Variants in ZNF83 observed in about 807,000 individuals in gnomAD.
ZNF83 encodes the protein zinc finger protein 83, also known as zinc finger protein 816B.
For missense variants in ZNF83, 552 were observed against 629.9 expected (o/e 0.88, Z 1.32); for synonymous variants, 209 against 213.0 (o/e 0.98, Z 0.17).
intron 2 of ZNF83, among the ~76,000 whole-genome samples, chr19:52,630,777 C>T (rs55696755): frequency 0.22 from 34,128 of 151,800 alleles, 4,108 homozygotes; most frequent in African/African-American, 0.3. Flanking sequence ...TCCCACAGCA[C>T]GCTTTAAAAA....
At chr19:52,628,469 G>C (rs998433195) in intron 2 of ZNF83, among the ~76,000 whole-genome samples, 2 of 152,040 alleles carry the variant, frequency 1.3e-5, no homozygotes, top group African/African-American at 4.8e-5. Context: ...TTTTCTGGTA[G>C]AGACAAAGGA....
intron 1 of ZNF83, among the ~76,000 whole-genome samples, chr19:52,674,999 G>T (rs2061779596): frequency 6.6e-6 from 1 of 152,134 alleles, no homozygotes; most frequent in Non-Finnish European, 1.5e-5. Flanking sequence ...GGGATTACAG[G>T]CATGAGCCAC....
chr19:52,677,230 A>G (rs1348215376), intron 1 of ZNF83, among the ~76,000 whole-genome samples: 2 of 151,668 alleles, frequency 1.3e-5, no homozygotes, highest in Admixed American at 1.3e-4. Context: ...CACACCACAA[A>G]GCATGAGTGA....
intron 3 of ZNF83, chr19:52,651,683 CAAAAAAAA>C (rs58706352): frequency 3.4e-5 from 4 of 117,314 alleles, no homozygotes; most frequent in Admixed American, 2.6e-4. Flanking sequence ...GACTCTGTCT[CAAAAAAAA>C]AAAAAAAAAA....
chr19:52,672,983 A>G (rs1001480326), intron 1 of ZNF83, among the ~76,000 whole-genome samples: 1 of 151,300 alleles, frequency 6.6e-6, no homozygotes, highest in African/African-American at 2.5e-5. Flanking sequence ...ACTGTAGTCA[A>G]TGATTAAATT....
exon 3 of ZNF83, chr19:52,613,902 T>C: frequency 1.2e-6 from 2 of 1,613,856 alleles, no homozygotes; most frequent in Non-Finnish European, 1.7e-6. Context: ...TCCGATGTTG[T>C]GCAAGGTGTG....
At chr19:52,623,313 T>G (rs974083090) in intron 2 of ZNF83, among the ~76,000 whole-genome samples, 1 of 152,162 alleles carries the variant, frequency 6.6e-6, no homozygotes, top group Admixed American at 6.5e-5. Context: ...CCATCCCCTG[T>G]TTAATTGATA....
rs186453044 is a variant in ZNF83, at chr19:52,632,133, T to A, written c.-234+2933A>T. Among the ~76,000 whole-genome samples, 930 of 145,160 alleles carry A rather than the reference T, an allele frequency of 6.4e-3. 5 individuals are homozygous for A. The highest frequency in any genetic ancestry group is 7.1e-3 in the Non-Finnish European group (459 of 64,504). Reference sequence around the variant, plus strand: ...GTCATTTCTTCCCTTCTGTCAGACATAATTCCTCAGTTTGGCCTTCCCACC... The same window carrying A: ...GTCATTTCTTCCCTTCTGTCAGACAAAATTCCTCAGTTTGGCCTTCCCACC... On this transcript the variant is annotated intron_variant, in intron 2 of 2. Transcript: ENST00000301096.
chr19:52,673,500 T>TCTCACACACACACACA lies in ZNF83; in HGVS notation c.-282-12658_-282-12657insTGTGTGTGTGTGTGAG, dbSNP rs1555790540. 1.8e-4 allele frequency among the ~76,000 whole-genome samples: 27 copies of TCTCACACACACACACA among 149,028 alleles called. 2 individuals carry two copies. Among genetic ancestry groups the TCTCACACACACACACA allele is most frequent in the Admixed American group, 1.1e-3 (16 of 14,932 alleles). On this transcript the variant is annotated intron_variant, in intron 1 of 5. Coordinates refer to the ZNF83 transcript ENST00000594682. The stretch of plus-strand genomic sequence containing the variant: ...GGTACACAAGAAGAGTGTAACTCCA[T>TCTCACACACACACACA]CACACACACACACACACACAAAATG...
chr19:52,688,596 C>G (rs1376267201), intron 1 of ZNF83, among the ~76,000 whole-genome samples: 1 of 151,890 alleles, frequency 6.6e-6, no homozygotes, highest in Non-Finnish European at 1.5e-5. Context: ...TACCTCTCTC[C>G]TCTCCTGCTG....
intron 2 of ZNF83, among the ~76,000 whole-genome samples, chr19:52,629,971 C>CA (rs1476728200): frequency 1.3e-5 from 2 of 152,202 alleles, no homozygotes; most frequent in Non-Finnish European, 2.9e-5. Context: ...ACATCTCCAG[C>CA]ACACAAGAAC....
chr19:52,618,877 G>A, intron 2 of ZNF83: 16 of 1,515,666 alleles, frequency 1.1e-5, no homozygotes, highest in African/African-American at 4.2e-5. Flanking sequence ...AGAGAAACAA[G>A]AGAAAATGCA....
chr19:52,664,474 T>C (rs1373056159), intron 1 of ZNF83, among the ~76,000 whole-genome samples: 1 of 151,728 alleles, frequency 6.6e-6, no homozygotes, highest in Admixed American at 6.6e-5. Flanking sequence ...CCAACCTGGG[T>C]GTCAAAGTGA....
intron 1 of ZNF83, among the ~76,000 whole-genome samples, chr19:52,671,498 C>T (rs2061724942): frequency 6.6e-6 from 1 of 151,930 alleles, no homozygotes; most frequent in South Asian, 2.1e-4. Flanking sequence ...GGCTGGAATG[C>T]AGTGGCAGGA....
exon 3 of ZNF83, chr19:52,613,354 T>C: frequency 1.2e-6 from 2 of 1,613,896 alleles, no homozygotes; most frequent in Non-Finnish European, 8.5e-7. Flanking sequence ...GCCACATTCA[T>C]CACATTTGTA....
intron 1 of ZNF83, among the ~76,000 whole-genome samples, chr19:52,689,886 C>T (rs1201608047): frequency 1.3e-5 from 2 of 152,228 alleles, no homozygotes; most frequent in East Asian, 3.9e-4. Context: ...AGGACAGGCC[C>T]CGGGCACCTC....
intron 3 of ZNF83, chr19:52,650,686 G>T (rs913982609): frequency 6.6e-6 from 1 of 152,184 alleles, no homozygotes; most frequent in Non-Finnish European, 1.5e-5. Flanking sequence ...TAAAGCCAAA[G>T]TCTCAGAAAA....
intron 2 of ZNF83, chr19:52,619,159 T>A: frequency 6.2e-7 from 1 of 1,609,856 alleles, no homozygotes; most frequent in Admixed American, 1.7e-5. Context: ...TTAATTGTAG[T>A]GAATGTTCTG....
intron 1 of ZNF83, among the ~76,000 whole-genome samples, chr19:52,666,915 T>G (rs1429911617): frequency 1.3e-5 from 2 of 151,658 alleles, no homozygotes; most frequent in Non-Finnish European, 2.9e-5. Context: ...AGAAGCAGAG[T>G]TAGGAAAATT....
Sources: gnomAD v4.1 joint callset for allele counts (sites outside exome capture counted in the v4.1 genomes callset) on GRCh38, gnomAD v4.1.1 for gene constraint, MANE v1.5 for transcripts, NCBI Gene and HGNC (gene_info 2026-07-23, HGNC 2026-07-21) for gene names.